The following CLK2 variants were observed in gnomAD, a reference collection of about 807,000 sequenced individuals.
CLK2 encodes the protein CDC like kinase 2.
CLK2 carries 12 observed loss-of-function variants against 73.5 expected under a neutral mutation model. The ratio of observed to expected loss-of-function variants is 0.16; its 90% CI spans 0.10 to 0.26. The LOEUF (loss-of-function observed/expected upper bound fraction) is 0.26, where lower values mean the gene tolerates loss of function less well. Ranked by LOEUF, CLK2 falls within the 10% of genes least tolerant of loss-of-function variation. The pLI is 1.00. For missense variants in CLK2, 509 were observed against 688.4 expected, an observed-to-expected ratio of 0.74 and a Z score of 2.92; for synonymous variants, 232 against 237.9, an observed-to-expected ratio of 0.98 and a Z score of 0.23.
rs1673453928 is a variant in CLK2, at chr1:155,270,739, A to AT, written c.170+68dup. The AT allele has an allele frequency of 2.0e-6, 3 of 1,504,796 alleles. No homozygotes were observed. In the East Asian group the frequency reaches 6.9e-5, roughly 34 times the overall value. 93.2% of individuals were successfully genotyped at this position (1,504,796 alleles called of 1,614,324 possible). A position where few individuals can be genotyped will look rare whatever the true frequency, so the allele number is the denominator to read the frequency against. On this transcript the variant is annotated intron_variant, in intron 2 of 12. Coordinates refer to ENST00000368361, the MANE Select transcript of CLK2 (RefSeq NM_001294338.2). Reference sequence around the variant, plus strand: ...AGGCAATGGTTTTAGCATATAACCAATAAGTATTTGTTGAACAAAGGAATG... The same window carrying AT: ...AGGCAATGGTTTTAGCATATAACCAATTAAGTATTTGTTGAACAAAGGAATG...
Position 155,263,193 on chromosome 1 carries a change from T to C in CLK2, c.*25A>G, listed in dbSNP as rs537075843. ...ACTGGACACCCACTGCTATAAAAGATGCAGGGGGGCCCAGGGCCTGATCGT... is the reference window on the plus strand; with the variant it reads ...ACTGGACACCCACTGCTATAAAAGACGCAGGGGGGCCCAGGGCCTGATCGT... On this transcript the variant is annotated 3_prime_UTR_variant, in exon 13 of 13. Coordinates refer to ENST00000368361, the MANE Select transcript of CLK2 (RefSeq NM_001294338.2). 2 of 1,599,500 alleles carry C rather than the reference T, an allele frequency of 1.3e-6. No individual in the cohort carries two copies. Among genetic ancestry groups the C allele is most frequent in the Non-Finnish European group, 1.7e-6 (2 of 1,172,778 alleles).
chr1:155,267,121 G>A (rs1477814091), intron 6 of CLK2, among the ~76,000 whole-genome samples: 5 of 152,032 alleles, frequency 3.3e-5, no homozygotes, highest in African/African-American at 9.7e-5. Flanking sequence ...TTGAGATGGC[G>A]TCTCACTCTG....
At chr1:155,272,173 C>G (rs978035179) in intron 1 of CLK2, among the ~76,000 whole-genome samples, 1 of 152,138 alleles carries the variant, frequency 6.6e-6, no homozygotes, top group East Asian at 1.9e-4. Flanking sequence ...TGCGCCGCCA[C>G]GCCCAGCTAA....
Position 155,269,630 on chromosome 1 carries a change from C to T in CLK2, c.257G>A (p.Arg86Gln), listed in dbSNP as rs1026872571. Residue 86 changes from arginine (R) to glutamine (Q), a missense_variant, in exon 3 of 13, where the codon CGG (arginine) becomes CAG (glutamine). Physicochemically the swap from Arg to Gln is conservative, Grantham distance 43. Coordinates refer to ENST00000368361, the MANE Select transcript of CLK2 (RefSeq NM_001294338.2). The part of the protein sequence containing the change: ...SYRRNDYSRD[R>Q]GDAYYDTDYR... ...GTCTGTGTCATAGTAGGCATCTCCC[C>T]GATCCCGGCTATAATCGTTGCGTCT... 1.5e-5 allele frequency: 24 copies of T among 1,614,206 alleles called. No individual in the cohort carries two copies. Among genetic ancestry groups the T allele is most frequent in the South Asian group, 5.5e-5 (5 of 91,086 alleles).
intron 6 of CLK2, among the ~76,000 whole-genome samples, chr1:155,267,147 T>G (rs944634495): frequency 2.6e-5 from 4 of 152,106 alleles, no homozygotes; most frequent in Non-Finnish European, 5.9e-5. Context: ...CAGGCTGGAG[T>G]GCAGTGGCGC....
chr1:155,269,842 T>C, intron 2 of CLK2, 126 bp from the exon 3 acceptor site: 1 of 814,854 alleles, frequency 1.2e-6, no homozygotes, highest in Non-Finnish European at 2.0e-6. Flanking sequence ...AGACACTTGT[T>C]GAGTCACTGA....
chr1:155,268,773 T>C lies in CLK2; in HGVS notation c.422A>G (p.Lys141Arg). Residue 141 changes from lysine to arginine, a missense_variant, in exon 4 of 13, where the codon AAG becomes AGG. By Grantham distance (26) the Lys-to-Arg change is conservative (BLOSUM62 2). Coordinates refer to ENST00000368361, the MANE Select transcript of CLK2 (RefSeq NM_001294338.2). This position sits in a 1 kb window ranked among gnomAD's most constrained non-coding sequence, Gnocchi z 5.6. ...GCCCTCAGCGTCGTCCTCTACACTC[T>C]TGGCTCTCCGGCTGCTGTGCTGCTG... ...SSSQHSSRRA[K>R]SVEDDAEGHL... 6.2e-7 allele frequency: 1 copy of C among 1,610,472 alleles called. No homozygotes were observed. Among genetic ancestry groups the C allele is most frequent in the Non-Finnish European group, 8.5e-7 (1 of 1,178,340 alleles).
chr1:155,272,230 G>T (rs1187578124), intron 1 of CLK2, among the ~76,000 whole-genome samples: 1 of 152,044 alleles, frequency 6.6e-6, no homozygotes, highest in East Asian at 1.9e-4. Context: ...TGGTCAGGCT[G>T]GTCTCGAACT....
At chr1:155,269,169 G>A (rs941030822) in intron 3 of CLK2, 21 of 577,994 alleles carry the variant, frequency 3.6e-5, no homozygotes, top group Admixed American at 3.0e-5. Flanking sequence ...CCCAGGGCTT[G>A]GGGGAAAAAG....
intron 6 of CLK2, among the ~76,000 whole-genome samples, chr1:155,267,773 G>C (rs1441214567): frequency 1.3e-5 from 2 of 152,130 alleles, no homozygotes; most frequent in African/African-American, 4.8e-5. Flanking sequence ...GCCATTCTAG[G>C]CTGGGGTCAA....
At chr1:155,267,976 C>T (rs1299085234) in intron 6 of CLK2, 34 bp downstream of exon 6, 2 of 1,513,738 alleles carry the variant, frequency 1.3e-6, no homozygotes, top group East Asian at 2.2e-5. Flanking sequence ...GGTTGGGGCT[C>T]TCAGCCTCCC....
rs879838146 is a variant in CLK2 at position 155,268,373 on chromosome 1, G to C, written c.488-14C>G. ...TAACGATTTCATCTGAAATGAAAGAGAGCAGGGTCGGGGAGAGGGAGGGAG... is the reference window on the plus strand; with the variant it reads ...TAACGATTTCATCTGAAATGAAAGACAGCAGGGTCGGGGAGAGGGAGGGAG... On this transcript the variant is annotated splice_polypyrimidine_tract_variant and intron_variant, in intron 4 of 12. Transcript: ENST00000368361. The surrounding 1 kb of genome is among the most constrained non-coding windows in gnomAD (Gnocchi z 5.6). 75 of 1,613,042 alleles carry C rather than the reference G, an allele frequency of 4.6e-5. No individual in the cohort carries two copies. The highest frequency in any genetic ancestry group is 5.9e-5 in the Non-Finnish European group (70 of 1,179,156).
Position 155,262,953 on chromosome 1 carries a change from C to T in CLK2, c.*265G>A, listed in dbSNP as rs1673039241. 4 of 397,288 alleles carry T rather than the reference C, an allele frequency of 1.0e-5. No homozygotes were observed. The East Asian group carries it at 1.1e-4, about 11-fold the overall frequency. 24.6% of individuals were successfully genotyped at this position (397,288 alleles called of 1,614,324 possible). On this transcript the variant is annotated 3_prime_UTR_variant, in exon 13 of 13. Transcript: ENST00000368361. ...ACATGGGGTAGATGCCACCTGGTTACCTCACTCGGCCCCCATCCAACTCCG... is the reference window on the plus strand; with the variant it reads ...ACATGGGGTAGATGCCACCTGGTTATCTCACTCGGCCCCCATCCAACTCCG...
At position 155,268,405 on chromosome 1, in the gene CLK2, T is replaced by TG; in HGVS notation, c.488-47dup. On this transcript the variant is annotated intron_variant, in intron 4 of 12. Coordinates refer to ENST00000368361, the MANE Select transcript of CLK2 (RefSeq NM_001294338.2). The surrounding 1 kb of genome is among the most constrained non-coding windows in gnomAD (Gnocchi z 5.6). ...GTCGGGGAGAGGGAGGGAGAGAAGGTGGGGAATGAGCTGAGTTGGAAGAAA... is the reference window on the plus strand; with the variant it reads ...GTCGGGGAGAGGGAGGGAGAGAAGGTGGGGGAATGAGCTGAGTTGGAAGAAA... The TG allele has an allele frequency of 1.0e-5, 16 of 1,545,034 alleles. No homozygotes were observed. The highest frequency in any genetic ancestry group is 1.3e-5 in the Non-Finnish European group (15 of 1,118,184).
intron 12 of CLK2, 90 bp downstream of exon 12, chr1:155,263,860 T>C: frequency 7.1e-7 from 1 of 1,410,470 alleles, no homozygotes; most frequent in Non-Finnish European, 9.9e-7. Context: ...CCTAACCCTC[T>C]GCTTGTGAAG....
chr1:155,266,165 TA>T (rs11389873), intron 7 of CLK2, among the ~76,000 whole-genome samples: 51 of 149,266 alleles, frequency 3.4e-4, no homozygotes, highest in African/African-American at 1.1e-3. Context: ...TCAACTGATG[TA>T]AAAAAAAAAA....
rs748129698 is a variant in CLK2 at position 155,263,957 on chromosome 1, G to A, written c.1310C>T (p.Pro437Leu). 16 of 1,613,844 alleles carry A rather than the reference G, an allele frequency of 9.9e-6. No homozygotes were observed. The highest frequency in any genetic ancestry group is 5.0e-5 in the Admixed American group (3 of 60,000). The change falls in exon 12 of 13, where the codon CCG becomes CTG. Residue 437 changes from proline to leucine, a missense_variant. By Grantham distance (98) the Pro-to-Leu change is moderately conservative. Coordinates refer to ENST00000368361, the MANE Select transcript of CLK2 (RefSeq NM_001294338.2). ...ATCCCGAGCCCAGCTCACCCGCAGC[G>A]GTTTGCAGTTCTCACGAACATAGCG... is the stretch of plus-strand genomic sequence containing the variant. ...AGRYVRENCK[P>L]LRRYLTSEAE...
intron 1 of CLK2, among the ~76,000 whole-genome samples, chr1:155,272,805 T>G: frequency 6.6e-6 from 1 of 152,164 alleles, no homozygotes; most frequent in Non-Finnish European, 1.5e-5. Context: ...TTTGAAATCT[T>G]TTGCTTTTTC....
Position 155,263,005 on chromosome 1 carries a change from C to T in CLK2, c.*213G>A. On this transcript the variant is annotated 3_prime_UTR_variant, in exon 13 of 13. Coordinates refer to ENST00000368361, the MANE Select transcript of CLK2 (RefSeq NM_001294338.2). Reference sequence around the variant, plus strand: ...ATGAGGGGGCAGGTGAGGGTGGAAACTGTGTGGATGGAATAGTATTATGTA... The same window carrying T: ...ATGAGGGGGCAGGTGAGGGTGGAAATTGTGTGGATGGAATAGTATTATGTA... The T allele has an allele frequency of 8.1e-6, 4 of 493,026 alleles. No individual in the cohort carries two copies. The highest frequency in any genetic ancestry group is 1.4e-5 in the Non-Finnish European group (4 of 288,380). 30.5% of individuals were successfully genotyped at this position (493,026 alleles called of 1,614,324 possible).
Sources: allele counts gnomAD v4.1 joint callset (sites outside exome capture counted in the v4.1 genomes callset), GRCh38; gene constraint gnomAD v4.1.1; non-coding constraint Gnocchi (gnomAD v3.1); transcripts MANE v1.5; gene names NCBI Gene and HGNC (gene_info 2026-07-23, HGNC 2026-07-21).